Variants in ZNF567 observed in about 807,000 individuals in gnomAD.
The protein encoded by ZNF567 is zinc finger protein 567.
A neutral mutation model predicts 53.9 loss-of-function variants in ZNF567; 36 were observed. That is an observed-to-expected ratio of 0.67 (90% CI 0.51 to 0.88). The LOEUF is 0.88. Among genes scored for constraint, ZNF567 ranks in the 40% least tolerant of loss-of-function variants. The pLI is 0.00. For synonymous variants in ZNF567, 224 were observed against 260.4 expected (o/e 0.86, Z 1.35); for missense variants, 619 against 764.7 (o/e 0.81, Z 2.25).
Position 36,698,378 on chromosome 19 carries a change from T to G in ZNF567, c.9+3502T>G, listed in dbSNP as rs1600515914. The stretch of plus-strand genomic sequence containing the variant: ...TTTGCTATTGTGAATAGTGCCGCAG[T>G]AAACATACGTGTGCATGTGTCTTTA... On this transcript the variant is annotated intron_variant, in intron 3 of 5. Transcript: ENST00000682579. Among the ~76,000 whole-genome samples, 3 of 152,184 alleles carry G rather than the reference T, an allele frequency of 2.0e-5. No homozygotes were observed. In the Middle Eastern group the frequency reaches 0.01, roughly 518 times the overall value.
intron 5 of ZNF567, among the ~76,000 whole-genome samples, chr19:36,718,633 G>A (rs139835985): frequency 1.4e-3 from 213 of 152,094 alleles, no homozygotes; most frequent in African/African-American, 4.8e-3. Flanking sequence ...CTTTTGATAG[G>A]TTCACTTCAT....
chr19:36,715,362 T>C (rs544688984), intron 5 of ZNF567, among the ~76,000 whole-genome samples: 418 of 150,754 alleles, frequency 2.8e-3, no homozygotes, highest in Non-Finnish European at 4.6e-3. Flanking sequence ...GGTTTCACCA[T>C]GTTGGCCAGG....
In ZNF567 at chr19:36,719,690, A is replaced by T. The variant is rs773764588; in HGVS notation, c.966A>T (p.Thr322=). Residue 322 remains threonine (T), a synonymous_variant, in exon 6 of 6, where the codon ACA becomes ACT. Transcript: ENST00000682579. ...NECGKSFRLK[T]ALTDHQRTHT... ...GTGGTAAGTCCTTCCGCCTCAAGAC[A>T]GCCCTCACTGATCATCAGAGAACAC... 1 of 1,614,224 alleles carries T rather than the reference A, an allele frequency of 6.2e-7. No homozygotes were observed. Among genetic ancestry groups the T allele is most frequent in the East Asian group, 2.2e-5 (1 of 44,866 alleles).
At chr19:36,703,910 C>T (rs532120062) in intron 3 of ZNF567, among the ~76,000 whole-genome samples, 57 of 152,332 alleles carry the variant, frequency 3.7e-4, no homozygotes, top group East Asian at 2.7e-3. Flanking sequence ...CGCCCTGCTT[C>T]GTCTCGCGCA....
chr19:36,715,606 C>T (rs1422495116), intron 5 of ZNF567, among the ~76,000 whole-genome samples: 3 of 149,476 alleles, frequency 2.0e-5, no homozygotes, highest in African/African-American at 7.4e-5. Context: ...CTCGACTCAC[C>T]GCAACCTCCG....
At chr19:36,714,806 T>C (rs1262678077) in intron 5 of ZNF567, among the ~76,000 whole-genome samples, 1 of 152,204 alleles carries the variant, frequency 6.6e-6, no homozygotes, top group Non-Finnish European at 1.5e-5. Context: ...CAACTTGGCC[T>C]GTTTTCTTTA....
downstream of ZNF567, chr19:36,723,340 C>CT: frequency 2.9e-6 from 2 of 686,880 alleles, no homozygotes; most frequent in Non-Finnish European, 5.3e-6. Context: ...TAAAAAGTAT[C>CT]TGTGGCATCA....
At chr19:36,713,940 A>T (rs941809771) in intron 5 of ZNF567, among the ~76,000 whole-genome samples, 1 of 152,126 alleles carries the variant, frequency 6.6e-6, no homozygotes, top group Non-Finnish European at 1.5e-5. Flanking sequence ...ATTTCAAAAA[A>T]AATAATAATA....
chr19:36,713,578 C>A (rs1054489840), intron 5 of ZNF567, among the ~76,000 whole-genome samples: 1 of 152,164 alleles, frequency 6.6e-6, no homozygotes, highest in African/African-American at 2.4e-5. Flanking sequence ...CCACTACACA[C>A]CAGCCTGGGC....
the ZNF567 span, among the ~76,000 whole-genome samples, chr19:36,682,610 A>ATT: frequency 1.4e-5 from 2 of 139,050 alleles, no homozygotes; most frequent in South Asian, 2.3e-4. Context: ...TATTATTATT[A>ATT]TTATTTTTTT....
At chr19:36,678,401 A>C in the ZNF567 span, among the ~76,000 whole-genome samples, 1 of 152,334 alleles carries the variant, frequency 6.6e-6, no homozygotes, top group East Asian at 1.9e-4. Context: ...ATTAAAATTA[A>C]GAAAACAGAG....
intron 3 of ZNF567, among the ~76,000 whole-genome samples, chr19:36,709,512 A>G (rs3108216): frequency 0.2 from 30,283 of 150,222 alleles, 3,118 homozygotes; most frequent in Middle Eastern, 0.26. Context: ...CCCCCACTCC[A>G]GAGATAGAGA....
chr19:36,698,652 G>A (rs529031945), intron 3 of ZNF567, among the ~76,000 whole-genome samples: 1 of 151,318 alleles, frequency 6.6e-6, no homozygotes, highest in East Asian at 1.9e-4. Context: ...TTGTGGTTTT[G>A]ATTTGCATTT....
At chr19:36,683,574 C>T (rs895231542), upstream of ZNF567, among the ~76,000 whole-genome samples, 1 of 152,288 alleles carries the variant, frequency 6.6e-6, no homozygotes. Flanking sequence ...TGGCTCACGC[C>T]TGTAATCCCA....
At position 36,719,916 on chromosome 19, in the gene ZNF567, T is replaced by C. The variant is rs1388288738; in HGVS notation, c.1192T>C (p.Cys398Arg). The C allele has an allele frequency of 6.2e-7, 1 of 1,610,784 alleles. No individual in the cohort carries two copies. Among genetic ancestry groups the C allele is most frequent in the African/African-American group, 1.3e-5 (1 of 74,878 alleles). The change falls in exon 6 of 6, where the codon TGT becomes CGT. Residue 398 changes from cysteine to arginine, a missense_variant. Coordinates refer to ENST00000682579, the MANE Select transcript of ZNF567 (RefSeq NM_001322917.1). ...TGEKPYICKE[C>R]GKSFHQKANL... Reference sequence around the variant, plus strand: ...TGAGAAACCCTACATTTGTAAAGAATGTGGGAAGTCCTTTCACCAGAAGGC... The same window carrying C: ...TGAGAAACCCTACATTTGTAAAGAACGTGGGAAGTCCTTTCACCAGAAGGC...
chr19:36,668,282 C>T, the ZNF567 span: 1 of 152,326 alleles, frequency 6.6e-6, no homozygotes, highest in Non-Finnish European at 1.5e-5. Context: ...AATGGCTGTT[C>T]TATATGCCCG....
At chr19:36,712,293 C>G in intron 3 of ZNF567, 93 bp from the exon 4 acceptor site, 1 of 1,338,482 alleles carries the variant, frequency 7.5e-7, no homozygotes, top group Admixed American at 2.4e-5. Flanking sequence ...AGTGATCCAC[C>G]TACCTCAGCC....
chr19:36,707,497 C>G (rs1239102382), intron 3 of ZNF567, among the ~76,000 whole-genome samples: 1 of 152,078 alleles, frequency 6.6e-6, no homozygotes, highest in African/African-American at 2.4e-5. Flanking sequence ...TTTCTTTGAT[C>G]CTTTTTATAT....
chr19:36,690,174 G>A lies in ZNF567; in HGVS notation c.-67+677G>A, dbSNP rs567386582. On this transcript the variant is annotated intron_variant, in intron 2 of 5. Transcript: ENST00000682579. Reference sequence around the variant, plus strand: ...TGGAAAAAACATTAACAAATAAATAGGGGGTGTGTGTGTATGTGGAAAGTA... The same window carrying A: ...TGGAAAAAACATTAACAAATAAATAAGGGGTGTGTGTGTATGTGGAAAGTA... Among the ~76,000 whole-genome samples, 34 of 152,350 alleles carry A rather than the reference G, an allele frequency of 2.2e-4. No individual in the cohort carries two copies. In the South Asian group the frequency reaches 6.8e-3, roughly 31 times the overall value.
Sources: gnomAD v4.1 joint callset for allele counts (sites outside exome capture counted in the v4.1 genomes callset) on GRCh38, gnomAD v4.1.1 for gene constraint, MANE v1.5 for transcripts, NCBI Gene and HGNC (gene_info 2026-07-23, HGNC 2026-07-21) for gene names.